The following LIPA variants were observed in gnomAD, a reference collection of about 807,000 sequenced individuals.
LIPA encodes the protein lipase A, lysosomal acid type.
In LIPA, 26 loss-of-function variants were observed where a neutral mutation model predicts 40.6. That is an observed-to-expected ratio of 0.64 (90% confidence interval 0.47 to 0.89). LIPA has a LOEUF of 0.89. Ranked by LOEUF, LIPA falls within the 40% of genes least tolerant of loss-of-function variation. The pLI, the probability that LIPA is intolerant of heterozygous loss-of-function variation, is 0.00. For synonymous variants in LIPA, 188 were observed against 168.4 expected (o/e 1.12, Z -0.90); for missense variants, 455 against 479.6 (o/e 0.95, Z 0.48).
chr10:89,384,409 G>C (rs548274805), intron 2 of LIPA: 2 of 1,614,134 alleles, frequency 1.2e-6, no homozygotes, highest in African/African-American at 2.7e-5. Context: ...TTTTCAGAAA[G>C]GGTTACGCAT....
intron 1 of LIPA, among the ~76,000 whole-genome samples, chr10:89,295,210 T>G (rs1211139035): frequency 6.6e-6 from 1 of 152,158 alleles, no homozygotes; most frequent in Non-Finnish European, 1.5e-5. Flanking sequence ...GGGAACACAT[T>G]GTTTTCAAAT....
rs1844037741 is a variant in LIPA at position 89,363,718 on chromosome 10, A to G, written c.61+49073T>C. The stretch of plus-strand genomic sequence containing the variant: ...CGTGAACCCGAGAGGCGGAGCTTGC[A>G]GTGAGCTAAGATCATGCCACTGTAC... On this transcript the variant is annotated intron_variant, in intron 2 of 8. Transcript: ENST00000371837. 3.0e-5 allele frequency among the ~76,000 whole-genome samples: 4 copies of G among 133,396 alleles called. No individual in the cohort carries two copies. In the South Asian group the frequency reaches 1.1e-3, roughly 36 times the overall value. The allele number at this position is 133,396 out of a possible 152,430, so 87.5% of individuals were successfully genotyped here.
intron 1 of LIPA, among the ~76,000 whole-genome samples, chr10:89,316,471 G>A (rs1024650060): frequency 1.3e-5 from 2 of 152,192 alleles, no homozygotes; most frequent in East Asian, 3.9e-4. Context: ...GCTCACTGCT[G>A]GCACAGCAGT....
upstream of LIPA, among the ~76,000 whole-genome samples, chr10:89,253,690 G>A (rs966362445): frequency 1.3e-5 from 2 of 152,182 alleles, no homozygotes; most frequent in African/African-American, 2.4e-5. Flanking sequence ...AAAGTCCATA[G>A]TCCAAAGTCT....
At position 89,223,806 on chromosome 10, in the gene LIPA, G is replaced by A. The variant is rs1371994952; in HGVS notation, c.700C>T (p.Leu234Phe). The change falls in exon 7 of 10, where the codon CTT becomes TTT. Residue 234 changes from leucine to phenylalanine, a missense_variant. Transcript: ENST00000336233. ...CACTTCAAAAACGCACTCTGGGGAA[G>A]AAATTCTTTGTCTCCAAATAAGTCC... ...IKDLFGDKEF[L>F]PQSAFLKWLG... 6.2e-7 allele frequency: 1 copy of A among 1,613,978 alleles called. No homozygotes were observed. The highest frequency in any genetic ancestry group is 8.5e-7 in the Non-Finnish European group (1 of 1,179,990).
At chr10:89,409,065 G>A (rs763990308) in intron 2 of LIPA, among the ~76,000 whole-genome samples, 14 of 152,178 alleles carry the variant, frequency 9.2e-5, no homozygotes, top group Non-Finnish European at 1.8e-4. Context: ...GTCCTTGAGC[G>A]GCTACGGGAG....
At chr10:89,384,793 G>A (rs1005879822) in intron 2 of LIPA, 3 of 1,385,652 alleles carry the variant, frequency 2.2e-6, no homozygotes, top group Non-Finnish European at 3.0e-6. Flanking sequence ...GAATGACTAT[G>A]AAATTAAATA....
At chr10:89,284,400 C>A (rs564683318) in intron 1 of LIPA, 1 of 151,530 alleles carries the variant, frequency 6.6e-6, no homozygotes, top group East Asian at 2.0e-4. Context: ...TTCTAAGGAG[C>A]CACAGTCAGG....
At chr10:89,383,257 C>A in intron 2 of LIPA, 1 of 1,428,358 alleles carries the variant, frequency 7.0e-7, no homozygotes, top group Non-Finnish European at 9.6e-7. Context: ...GAAGTGCTGG[C>A]TTCATTTTCA....
At chr10:89,386,383 G>A (rs1007125288) in intron 2 of LIPA, among the ~76,000 whole-genome samples, 1 of 152,200 alleles carries the variant, frequency 6.6e-6, no homozygotes, top group African/African-American at 2.4e-5. Context: ...AAGCACAGGA[G>A]TAACACCTTT....
chr10:89,369,386 G>A (rs571253194), intron 2 of LIPA, among the ~76,000 whole-genome samples: 2 of 152,274 alleles, frequency 1.3e-5, no homozygotes, highest in African/African-American at 4.8e-5. Flanking sequence ...CCTGGACTGT[G>A]CCTATTCTAC....
intron 1 of LIPA, among the ~76,000 whole-genome samples, chr10:89,277,463 C>G (rs1256214626): frequency 1.3e-5 from 2 of 152,184 alleles, no homozygotes; most frequent in Non-Finnish European, 2.9e-5. Flanking sequence ...TTTAGTTTTA[C>G]TTGCATTATA....
At chr10:89,319,424 C>T (rs910228313) in intron 1 of LIPA, among the ~76,000 whole-genome samples, 4 of 152,182 alleles carry the variant, frequency 2.6e-5, no homozygotes, top group African/African-American at 4.8e-5. Flanking sequence ...TCAGAGAATA[C>T]TATAAACACC....
chr10:89,393,120 G>C, intron 2 of LIPA: 1 of 1,294,276 alleles, frequency 7.7e-7, no homozygotes, highest in South Asian at 1.2e-5. Context: ...CTTTACCACA[G>C]AGAAAAAGCA....
intron 3 of LIPA, among the ~76,000 whole-genome samples, chr10:89,231,704 C>T (rs958005049): frequency 1.1e-4 from 16 of 152,190 alleles, no homozygotes; most frequent in African/African-American, 3.6e-4. Context: ...TCTCAAACTC[C>T]TGGCCTCAAG....
rs955196322 is a variant in LIPA at position 89,214,484 on chromosome 10, T to C, written c.*344A>G. 2 of 220,858 alleles carry C rather than the reference T, an allele frequency of 9.1e-6. No individual in the cohort carries two copies. The highest frequency in any genetic ancestry group is 6.4e-5 in the South Asian group (1 of 15,706). The allele number at this position is 220,858 out of a possible 1,614,324, so 13.7% of individuals were successfully genotyped here. ...CACAATTTTAAAATTCCAACACATATATTACTTTGTCCTATGAAGGGCAAA... is the reference window on the plus strand; with the variant it reads ...CACAATTTTAAAATTCCAACACATACATTACTTTGTCCTATGAAGGGCAAA... On this transcript the variant is annotated 3_prime_UTR_variant, in exon 10 of 10. Transcript: ENST00000336233.
chr10:89,393,168 T>G (rs1051039517), intron 2 of LIPA: 4 of 1,290,618 alleles, frequency 3.1e-6, no homozygotes, highest in Non-Finnish European at 2.0e-6. Context: ...TCTTGCAGCC[T>G]CTCTGATGTC....
chr10:89,314,956 T>A (rs539465234), intron 1 of LIPA, among the ~76,000 whole-genome samples: 1 of 152,342 alleles, frequency 6.6e-6, no homozygotes, highest in East Asian at 1.9e-4. Context: ...AAGCAGAATC[T>A]GTCTCTAAAA....
Position 89,240,155 on chromosome 10 carries a change from T to C in LIPA, c.229+5521A>G, listed in dbSNP as rs571286076. Reference sequence around the variant, plus strand: ...GACCCCCAGACATAGTTCTATGACATTTCTTACTTTTCTTACTTCTGTCCA... The same window carrying C: ...GACCCCCAGACATAGTTCTATGACACTTCTTACTTTTCTTACTTCTGTCCA... On this transcript the variant is annotated intron_variant, in intron 3 of 9. Transcript: ENST00000336233. Among the ~76,000 whole-genome samples the C allele has an allele frequency of 1.5e-4, 23 of 152,304 alleles. No homozygotes were observed. In the South Asian group the frequency reaches 2.7e-3, roughly 18 times the overall value.
Sources: gnomAD v4.1 joint callset for allele counts (sites outside exome capture counted in the v4.1 genomes callset) on GRCh38, gnomAD v4.1.1 for gene constraint, MANE v1.5 for transcripts, NCBI Gene and HGNC (gene_info 2026-07-23, HGNC 2026-07-21) for gene names.